The following GALNT18 variants were observed in gnomAD, a reference collection of about 807,000 sequenced individuals.
GALNT18 encodes the protein GalNAc-transferase 18.
A neutral mutation model predicts 69.5 loss-of-function variants in GALNT18; 44 were observed. That is an observed-to-expected ratio of 0.63 (90% CI 0.50 to 0.81). The LOEUF is 0.81. Among genes scored for constraint, GALNT18 ranks in the 40% least tolerant of loss-of-function variants. The pLI is 0.00. For missense variants in GALNT18, 715 were observed against 810.0 expected (o/e 0.88, Z 1.42); for synonymous variants, 364 against 318.2 (o/e 1.14, Z -1.53).
chr11:11,512,093 A>T (rs985164223), intron 1 of GALNT18, among the ~76,000 whole-genome samples: 1 of 152,222 alleles, frequency 6.6e-6, no homozygotes, highest in African/African-American at 2.4e-5. Context: ...GATTCCCTAA[A>T]GCCCATCCAG....
chr11:11,485,237 A>G (rs1048554528), intron 1 of GALNT18, among the ~76,000 whole-genome samples: 2 of 152,112 alleles, frequency 1.3e-5, no homozygotes, highest in African/African-American at 4.8e-5. Flanking sequence ...CCCATCTACC[A>G]TTGGTTGAGG....
chr11:11,430,915 C>G lies in GALNT18; in HGVS notation c.595+1706G>C, dbSNP rs1173156699. On this transcript the variant is annotated intron_variant, in intron 3 of 10. Transcript: ENST00000227756. The surrounding 1 kb of genome is among the most constrained non-coding windows in gnomAD (Gnocchi z 4.9). ...CTCCATTGCCCAACTCTGACCCCAT[C>G]ATTCCTCTGACCAAAAGCTTTAGAT... Among the ~76,000 whole-genome samples, 1 of 152,200 alleles carries G rather than the reference C, an allele frequency of 6.6e-6. No individual in the cohort carries two copies. Among genetic ancestry groups the G allele is most frequent in the Non-Finnish European group, 1.5e-5 (1 of 68,038 alleles).
chr11:11,554,315 G>C (rs953192901), intron 1 of GALNT18, among the ~76,000 whole-genome samples: 2 of 152,166 alleles, frequency 1.3e-5, no homozygotes, highest in African/African-American at 4.8e-5. Context: ...TCTGGAAGAA[G>C]CATTATCACT....
intron 1 of GALNT18, among the ~76,000 whole-genome samples, chr11:11,472,733 C>A (rs141408132): frequency 6.6e-6 from 1 of 152,290 alleles, no homozygotes; most frequent in East Asian, 1.9e-4. Flanking sequence ...GTATTTCTAT[C>A]TTCATTATAT....
rs1362518423 is a variant in GALNT18 at position 11,618,889 on chromosome 11, G to A, written c.235+2470C>T. On this transcript the variant is annotated intron_variant, in intron 1 of 10. Transcript: ENST00000227756. The surrounding 1 kb of genome is among the most constrained non-coding windows in gnomAD (Gnocchi z 6.1). ...CAAAGTAAACTGGATTGTTCAAAGGGCTATGCTGACTAGAGGGAACTTGAC... is the reference window on the plus strand; with the variant it reads ...CAAAGTAAACTGGATTGTTCAAAGGACTATGCTGACTAGAGGGAACTTGAC... Among the ~76,000 whole-genome samples, 1 of 152,142 alleles carries A rather than the reference G, an allele frequency of 6.6e-6. No homozygotes were observed. Among genetic ancestry groups the A allele is most frequent in the Non-Finnish European group, 1.5e-5 (1 of 68,020 alleles).
intron 10 of GALNT18, among the ~76,000 whole-genome samples, chr11:11,277,842 T>A (rs12292296): frequency 0.13 from 19,247 of 152,230 alleles, 1,758 homozygotes; most frequent in Admixed American, 0.28. Flanking sequence ...GAGTTCTAAT[T>A]TGATTGCACT....
intron 1 of GALNT18, among the ~76,000 whole-genome samples, chr11:11,609,100 C>A (rs886157765): frequency 2.0e-5 from 3 of 152,216 alleles, no homozygotes; most frequent in Non-Finnish European, 2.9e-5. Flanking sequence ...TTCCACCATA[C>A]CTGGCACAAT....
At position 11,595,910 on chromosome 11, in the gene GALNT18, C is replaced by A. The variant is rs1859488133; in HGVS notation, c.235+25449G>T. Among the ~76,000 whole-genome samples the A allele has an allele frequency of 6.6e-6, 1 of 151,626 alleles. No individual in the cohort carries two copies. Among genetic ancestry groups the A allele is most frequent in the Admixed American group, 6.6e-5 (1 of 15,260 alleles). On this transcript the variant is annotated intron_variant, in intron 1 of 10. Coordinates refer to ENST00000227756, the MANE Select transcript of GALNT18 (RefSeq NM_198516.3). The surrounding 1 kb of genome is among the most constrained non-coding windows in gnomAD (Gnocchi z 5.2). ...TTAAATTTGATCAAATCCAATTTAT[C>A]CATTTTTTTTTGTCACTGTGCTTTT...
Position 11,592,300 on chromosome 11 carries a change from GA to G in GALNT18, c.235+29058del, listed in dbSNP as rs1279009326. Among the ~76,000 whole-genome samples the G allele has an allele frequency of 6.6e-5, 10 of 151,826 alleles. No individual in the cohort carries two copies. The highest frequency in any genetic ancestry group is 1.0e-4 in the Non-Finnish European group (7 of 67,902). On this transcript the variant is annotated intron_variant, in intron 1 of 10. Coordinates refer to ENST00000227756, the MANE Select transcript of GALNT18 (RefSeq NM_198516.3). The surrounding 1 kb of genome is among the most constrained non-coding windows in gnomAD (Gnocchi z 5.9). ...GCTAAGAAATTATATGCACGGTTAC[GA>G]AAAAAAATCAAAGATGTTTCCCACA...
intron 1 of GALNT18, among the ~76,000 whole-genome samples, chr11:11,492,614 G>A (rs564372275): frequency 6.6e-6 from 1 of 152,232 alleles, no homozygotes; most frequent in African/African-American, 2.4e-5. Context: ...GGATGAAGCT[G>A]GAAACCATCA....
At chr11:11,445,864 C>T (rs948125768) in intron 2 of GALNT18, among the ~76,000 whole-genome samples, 17 of 152,170 alleles carry the variant, frequency 1.1e-4, no homozygotes, top group African/African-American at 2.9e-4. Context: ...TCTGTAAGGA[C>T]GATTGCTCCT....
At chr11:11,307,969 G>A (rs7951511) in intron 9 of GALNT18, among the ~76,000 whole-genome samples, 7,149 of 152,276 alleles carry the variant, frequency 0.047, 568 homozygotes, top group African/African-American at 0.16. Flanking sequence ...CTGGGGGCCA[G>A]GGGTGACCGC....
At chr11:11,344,720 G>T (rs557285530) in intron 6 of GALNT18, among the ~76,000 whole-genome samples, 2 of 152,198 alleles carry the variant, frequency 1.3e-5, no homozygotes, top group Admixed American at 6.5e-5. Context: ...TGCAGTGTGG[G>T]TAAGTGTTTA....
chr11:11,484,086 T>A lies in GALNT18; in HGVS notation c.236-35150A>T, dbSNP rs377088919. 3.3e-5 allele frequency among the ~76,000 whole-genome samples: 5 copies of A among 152,250 alleles called. No individual in the cohort carries two copies. In the East Asian group the frequency reaches 9.7e-4, roughly 29 times the overall value. ...TCACCTTGTCAAGAGCTCAGTGAGA[T>A]TACTGTTATTACCTGCATTTTACAA... On this transcript the variant is annotated intron_variant, in intron 1 of 10. Coordinates refer to ENST00000227756, the MANE Select transcript of GALNT18 (RefSeq NM_198516.3).
In GALNT18 at chr11:11,314,209, G is replaced by A. The variant is rs1849714781; in HGVS notation, c.1512+12877C>T. 6.6e-6 allele frequency among the ~76,000 whole-genome samples: 1 copy of A among 152,148 alleles called. No individual in the cohort carries two copies. The highest frequency in any genetic ancestry group is 2.4e-5 in the African/African-American group (1 of 41,432). Reference sequence around the variant, plus strand: ...AGGGCAAGAGACTCAGCCCCTCTCTGGTTAGTGAGTCTGAACATTGGTCCA... The same window carrying A: ...AGGGCAAGAGACTCAGCCCCTCTCTAGTTAGTGAGTCTGAACATTGGTCCA... On this transcript the variant is annotated intron_variant, in intron 9 of 10. Coordinates refer to ENST00000227756, the MANE Select transcript of GALNT18 (RefSeq NM_198516.3). The surrounding 1 kb of genome is among the most constrained non-coding windows in gnomAD (Gnocchi z 5.2).
chr11:11,576,995 T>C (rs7125279), intron 1 of GALNT18, among the ~76,000 whole-genome samples: 58,126 of 151,890 alleles, frequency 0.38, 12,928 homozygotes, highest in East Asian at 0.66. Flanking sequence ...CAGCAGTTGT[T>C]TAACTCTTTT....
At chr11:11,351,510 C>T (rs547415035) in intron 6 of GALNT18, among the ~76,000 whole-genome samples, 14 of 152,238 alleles carry the variant, frequency 9.2e-5, no homozygotes, top group East Asian at 1.9e-4. Flanking sequence ...CACAGCTTCC[C>T]GATGCACAAG....
chr11:11,347,823 C>T lies in GALNT18; in HGVS notation c.1093-6819G>A, dbSNP rs1449387109. On this transcript the variant is annotated intron_variant, in intron 6 of 10. Transcript: ENST00000227756. This position sits in a 1 kb window ranked among gnomAD's most constrained non-coding sequence, Gnocchi z 4.0. ...TTTTACGTGTAACTGTCTCGCCTAA[C>T]TTGGCTGCAAAAGCAGAGACAAGAG... Among the ~76,000 whole-genome samples, 5 of 152,196 alleles carry T rather than the reference C, an allele frequency of 3.3e-5. No homozygotes were observed. The highest frequency in any genetic ancestry group is 6.5e-5 in the Admixed American group (1 of 15,272).
At chr11:11,288,804 G>GA (rs1300070358) in intron 10 of GALNT18, among the ~76,000 whole-genome samples, 2 of 152,150 alleles carry the variant, frequency 1.3e-5, no homozygotes, top group East Asian at 3.8e-4. Flanking sequence ...TTGTTAAGCA[G>GA]AAAATCAGGG....
Sources: gnomAD v4.1 joint callset for allele counts (sites outside exome capture counted in the v4.1 genomes callset) on GRCh38, gnomAD v4.1.1 for gene constraint, Gnocchi (gnomAD v3.1) non-coding constraint, MANE v1.5 for transcripts, NCBI Gene and HGNC (gene_info 2026-07-23, HGNC 2026-07-21) for gene names.